The following SH3TC2 variants were observed in gnomAD, a reference collection of about 807,000 sequenced individuals.
The protein encoded by SH3TC2 is SH3 domain and tetratricopeptide repeats 2.
Under a neutral mutation model 124.5 loss-of-function variants are expected in SH3TC2, and 87 were observed. The ratio of observed to expected loss-of-function variants is 0.70; its 90% CI spans 0.59 to 0.84. SH3TC2 has a LOEUF of 0.84. Among genes scored for constraint, SH3TC2 ranks in the 40% least tolerant of loss-of-function variants. The pLI is 0.00. For missense variants in SH3TC2, 1,536 were observed against 1,566.4 expected, an observed-to-expected ratio of 0.98 and a Z score of 0.33; for synonymous variants, 634 against 628.5, an observed-to-expected ratio of 1.01 and a Z score of -0.13.
In SH3TC2 at chr5:148,992,145, C is replaced by T. The variant is rs1218139290; in HGVS notation, c.*12566G>A. Among the ~76,000 whole-genome samples the T allele has an allele frequency of 6.6e-6, 1 of 152,152 alleles. No homozygotes were observed. Among genetic ancestry groups the T allele is most frequent in the Non-Finnish European group, 1.5e-5 (1 of 68,026 alleles). ...CAATTGAACATTTAGCTGTTTCATCCAACAGCCCTATGAAGTTGATATCAT... is the reference window on the plus strand; with the variant it reads ...CAATTGAACATTTAGCTGTTTCATCTAACAGCCCTATGAAGTTGATATCAT... On this transcript the variant is annotated 3_prime_UTR_variant, in exon 17 of 17. Transcript: ENST00000515425.
chr5:149,055,034 A>C (rs1241669846), intron 1 of SH3TC2, among the ~76,000 whole-genome samples: 1 of 152,144 alleles, frequency 6.6e-6, no homozygotes, highest in African/African-American at 2.4e-5. Flanking sequence ...AATTTTTTAG[A>C]TAATTGTTTT....
chr5:149,019,944 C>T (rs920469985), intron 12 of SH3TC2, among the ~76,000 whole-genome samples: 5 of 152,156 alleles, frequency 3.3e-5, no homozygotes, highest in African/African-American at 1.2e-4. Context: ...TGGAAGTTCC[C>T]TGGAAGCCTC....
intron 12 of SH3TC2, among the ~76,000 whole-genome samples, chr5:149,020,657 G>C (rs971774983): frequency 1.3e-5 from 2 of 152,178 alleles, no homozygotes; most frequent in African/African-American, 4.8e-5. Context: ...AAGAGAGCTA[G>C]AGTGGCTATG....
Position 149,012,676 on chromosome 5 carries a change from C to T in SH3TC2, c.3112G>A (p.Gly1038Arg). ...GCCTCAGCAGCCTTGTCTGTCTCCC[C>T]CAGGTCAATGAAGATACGCAGGCTC... ...KESLRIFIDL[G>R]ETDKAAEAWL... The change falls in exon 13 of 17, where the codon GGG (glycine) becomes AGG (arginine). Residue 1038 changes from glycine to arginine, a missense_variant. This residue lies in a region of SH3TC2 where 426 missense variants were observed against 443.5 expected (regional missense o/e 0.96). Transcript: ENST00000515425. 6.2e-7 allele frequency: 1 copy of T among 1,614,164 alleles called. No homozygotes were observed. Among genetic ancestry groups the T allele is most frequent in the South Asian group, 1.1e-5 (1 of 91,084 alleles).
At chr5:149,008,812 C>A (rs186159847) in intron 15 of SH3TC2, 39 bp downstream of exon 15, 1 of 1,612,832 alleles carries the variant, frequency 6.2e-7, no homozygotes, top group East Asian at 2.2e-5. Flanking sequence ...GACTAATCAC[C>A]CCTCTCATTC....
rs17795115 is a variant in SH3TC2, at chr5:148,998,549, G to A, written c.*6162C>T. On this transcript the variant is annotated 3_prime_UTR_variant, in exon 17 of 17. Coordinates refer to ENST00000515425, the MANE Select transcript of SH3TC2 (RefSeq NM_024577.4). ...AAAGGCAGCACTAGAAGTGGCAGCT[G>A]GGTTCTCACCTTTGAAATCGTTTTG... Among the ~76,000 whole-genome samples, 5,287 of 152,300 alleles carry A rather than the reference G, an allele frequency of 0.035. 341 individuals are homozygous for A. Among genetic ancestry groups the A allele is most frequent in the Admixed American group, 0.17 (2,557 of 15,296 alleles).
Position 149,026,684 on chromosome 5 carries a change from T to C in SH3TC2, c.2941A>G (p.Ile981Val), listed in dbSNP as rs1256762698. 6.8e-6 allele frequency: 11 copies of C among 1,614,042 alleles called. No individual in the cohort carries two copies. Among genetic ancestry groups the C allele is most frequent in the Non-Finnish European group, 9.3e-6 (11 of 1,180,042 alleles). The change falls in exon 12 of 17, where the codon ATC (isoleucine) becomes GTC (valine). Residue 981 changes from isoleucine to valine, a missense_variant. Ile to Val is a conservative substitution (Grantham distance 29). Around this residue, in one of 3 missense-constraint regions of SH3TC2, gnomAD observed 426 missense variants for 443.5 expected, o/e 0.96. Coordinates refer to ENST00000515425, the MANE Select transcript of SH3TC2 (RefSeq NM_024577.4). The part of the protein sequence containing the change: ...SSVSPNPEAC[I>V]TYHEHWLALA... ...GCCAGCCAGTGCTCATGGTAGGTGATGCATGCCTCAGGGTTTGGGGACACA... is the reference window on the plus strand; with the variant it reads ...GCCAGCCAGTGCTCATGGTAGGTGACGCATGCCTCAGGGTTTGGGGACACA...
intron 2 of SH3TC2, among the ~76,000 whole-genome samples, chr5:149,049,800 C>T (rs7442677): frequency 0.12 from 18,434 of 151,718 alleles, 1,440 homozygotes; most frequent in South Asian, 0.27. Context: ...AAAAAAAAAG[C>T]TTCCTAAATA....
At chr5:149,007,517 C>T (rs1250151837) in intron 15 of SH3TC2, 1 of 319,096 alleles carries the variant, frequency 3.1e-6, no homozygotes, top group Non-Finnish European at 5.8e-6. Context: ...ATAAATCACT[C>T]TGTATAATAA....
chr5:149,040,776 G>T, intron 6 of SH3TC2, 99 bp from the exon 7 acceptor site: 4 of 1,043,378 alleles, frequency 3.8e-6, no homozygotes, highest in Non-Finnish European at 5.9e-6. Flanking sequence ...GATGAGTATT[G>T]TTTTTTCTCT....
At chr5:149,047,721 A>C in intron 3 of SH3TC2, 141 bp downstream of exon 3, 2 of 1,098,164 alleles carry the variant, frequency 1.8e-6, no homozygotes, top group Non-Finnish European at 2.7e-6. Flanking sequence ...TGTGCACGGA[A>C]TCTTTCATTC....
At chr5:149,010,472 G>C in intron 13 of SH3TC2, 80 bp from the exon 14 acceptor site, 5 of 1,591,432 alleles carry the variant, frequency 3.1e-6, no homozygotes, top group Non-Finnish European at 4.3e-6. Context: ...CTAAGACGCA[G>C]ACCACCTAAA....
rs1379554332 is a variant in SH3TC2, at chr5:148,989,843, C to G, written c.*14868G>C. ...GGAGAGAGAAGAACTATATAGCAAC[C>G]AGGACATTTGGGAAATGTCCCTATG... On this transcript the variant is annotated 3_prime_UTR_variant, in exon 17 of 17. Transcript: ENST00000515425. Among the ~76,000 whole-genome samples, 1 of 152,104 alleles carries G rather than the reference C, an allele frequency of 6.6e-6. No individual in the cohort carries two copies. Among genetic ancestry groups the G allele is most frequent in the Non-Finnish European group, 1.5e-5 (1 of 68,022 alleles).
intron 1 of SH3TC2, 61 bp from the exon 2 acceptor site, chr5:149,052,301 A>T (rs746098736): frequency 7.5e-7 from 1 of 1,326,798 alleles, no homozygotes; most frequent in Non-Finnish European, 1.1e-6. Flanking sequence ...GCAAGTTATA[A>T]GCAAGGCTGT....
chr5:149,002,919 C>T lies in SH3TC2; in HGVS notation c.*1792G>A, dbSNP rs1472828284. The T allele has an allele frequency of 6.5e-6, 1 of 152,762 alleles. No homozygotes were observed. The highest frequency in any genetic ancestry group is 2.1e-4 in the South Asian group (1 of 4,824). 9.5% of individuals were successfully genotyped at this position (152,762 alleles called of 1,614,324 possible). A position where few individuals can be genotyped will look rare whatever the true frequency, so the allele number is the denominator to read the frequency against. On this transcript the variant is annotated 3_prime_UTR_variant, in exon 17 of 17. Transcript: ENST00000515425. ...GGCTCTTGCCCTGCAGTGGTGCTTC[C>T]CATACTTTAGGGTGCATTAAAATCA...
chr5:149,049,954 C>T (rs1295048815), intron 2 of SH3TC2, among the ~76,000 whole-genome samples: 1 of 152,182 alleles, frequency 6.6e-6, no homozygotes, highest in Non-Finnish European at 1.5e-5. Context: ...GTGATCATGA[C>T]TATTAACCTT....
chr5:149,061,066 AT>A (rs1324526372), intron 1 of SH3TC2, among the ~76,000 whole-genome samples: 1 of 152,172 alleles, frequency 6.6e-6, no homozygotes, highest in African/African-American at 2.4e-5. Flanking sequence ...AGGGAATAAT[AT>A]GGGGGAATGG....
At chr5:149,009,391 G>A (rs1753746150) in intron 14 of SH3TC2, among the ~76,000 whole-genome samples, 1 of 124,968 alleles carries the variant, frequency 8.0e-6, no homozygotes, top group African/African-American at 3.0e-5. Context: ...TCAAAAAGTG[G>A]TCATTTCTAT....
intron 8 of SH3TC2, chr5:149,034,602 T>C (rs1288398084): frequency 3.9e-6 from 1 of 254,276 alleles, no homozygotes; most frequent in African/African-American, 2.3e-5. Flanking sequence ...AAGTTCTCTA[T>C]TTCTCCTACG....
Sources: allele counts gnomAD v4.1 joint callset (sites outside exome capture counted in the v4.1 genomes callset), GRCh38; gene constraint gnomAD v4.1.1; regional missense constraint gnomAD v4.1.1; transcripts MANE v1.5; gene names NCBI Gene and HGNC (gene_info 2026-07-23, HGNC 2026-07-21).